Variants in CYTH3 observed in about 807,000 individuals in gnomAD.
CYTH3 encodes cytohesin-3.
A neutral mutation model predicts 55.1 loss-of-function variants in CYTH3; 23 were observed. That is an observed-to-expected ratio of 0.42 (90% CI 0.30 to 0.59). The LOEUF is 0.59. Ranked by LOEUF, CYTH3 falls within the 20% of genes least tolerant of loss-of-function variation. The pLI, the probability that CYTH3 is intolerant of heterozygous loss-of-function variation, is 0.20. For synonymous variants in CYTH3, 249 were observed against 194.9 expected (o/e 1.28, Z -2.31); for missense variants, 413 against 524.8 (o/e 0.79, Z 2.08).
intron 1 of CYTH3, among the ~76,000 whole-genome samples, chr7:6,212,324 T>C (rs1456785659): frequency 6.6e-6 from 1 of 152,340 alleles, no homozygotes; most frequent in South Asian, 2.1e-4. Flanking sequence ...AGTTCAGTAC[T>C]GTTAAGTATA....
chr7:6,209,724 T>C (rs1784282079), intron 1 of CYTH3, among the ~76,000 whole-genome samples: 1 of 152,180 alleles, frequency 6.6e-6, no homozygotes, highest in Admixed American at 6.5e-5. Context: ...TGTCCCTCAA[T>C]AGGTGACTCG....
chr7:6,186,117 G>A (rs1309201945), intron 4 of CYTH3, among the ~76,000 whole-genome samples: 7 of 151,336 alleles, frequency 4.6e-5, no homozygotes, highest in South Asian at 2.1e-4. Flanking sequence ...GGTGGCGGGC[G>A]CCTGTAGTCT....
At chr7:6,232,210 A>G (rs1391197770) in intron 1 of CYTH3, among the ~76,000 whole-genome samples, 1 of 152,172 alleles carries the variant, frequency 6.6e-6, no homozygotes, top group Admixed American at 6.5e-5. Flanking sequence ...TTATTGAAAC[A>G]AACCAGCAGG....
At chr7:6,242,205 T>C (rs756317866) in intron 1 of CYTH3, among the ~76,000 whole-genome samples, 11 of 151,242 alleles carry the variant, frequency 7.3e-5, no homozygotes, top group African/African-American at 2.7e-4. Context: ...GCCTCCCGAG[T>C]AGCTGGGACT....
chr7:6,220,658 A>T (rs1348704244), intron 1 of CYTH3, among the ~76,000 whole-genome samples: 1 of 151,974 alleles, frequency 6.6e-6, no homozygotes, highest in African/African-American at 2.4e-5. Flanking sequence ...GGAACATAAA[A>T]TGTTATAGCC....
chr7:6,261,288 G>A (rs1182607129), intron 1 of CYTH3, among the ~76,000 whole-genome samples: 2 of 152,096 alleles, frequency 1.3e-5, no homozygotes, highest in African/African-American at 2.4e-5. Flanking sequence ...GGGACTGAGG[G>A]GACAAAAATT....
At chr7:6,207,901 GA>G (rs1784231595) in intron 1 of CYTH3, among the ~76,000 whole-genome samples, 1 of 150,572 alleles carries the variant, frequency 6.6e-6, no homozygotes, top group Non-Finnish European at 1.5e-5. Context: ...AATGAGCCGA[GA>G]TCATGCCACT....
intron 6 of CYTH3, chr7:6,172,977 A>T (rs1042831127): frequency 9.9e-6 from 11 of 1,114,690 alleles, no homozygotes; most frequent in Non-Finnish European, 1.2e-5. Context: ...AGATTTGAGA[A>T]GATGACGAGG....
At chr7:6,204,176 C>T (rs1395435986) in intron 1 of CYTH3, among the ~76,000 whole-genome samples, 7 of 152,066 alleles carry the variant, frequency 4.6e-5, no homozygotes. Flanking sequence ...GGAACATAAG[C>T]TAACGACGCA....
In CYTH3 at chr7:6,193,373, G is replaced by A. The variant is rs1241372397; in HGVS notation, c.35-2842C>T. Among the ~76,000 whole-genome samples the A allele has an allele frequency of 4.3e-5, 6 of 138,004 alleles. No homozygotes were observed. The South Asian group carries it at 6.7e-4, about 16-fold the overall frequency. 90.5% of individuals were successfully genotyped at this position (138,004 alleles called of 152,430 possible). A position where few individuals can be genotyped will look rare whatever the true frequency, so the allele number is the denominator to read the frequency against. On this transcript the variant is annotated intron_variant, in intron 1 of 12. Coordinates refer to ENST00000350796, the MANE Select transcript of CYTH3 (RefSeq NM_004227.4). ...GCCTGGGCGACAGAGCAAGACTCCC[G>A]TCTCAAAAAAAAAAAAAAAAAGGAG...
intron 1 of CYTH3, among the ~76,000 whole-genome samples, chr7:6,232,032 C>T (rs1266774298): frequency 6.6e-6 from 1 of 152,226 alleles, no homozygotes; most frequent in Admixed American, 6.5e-5. Flanking sequence ...TTTTCCTGAT[C>T]TCTCTGCACC....
At chr7:6,209,567 C>A (rs1784278292) in intron 1 of CYTH3, among the ~76,000 whole-genome samples, 1 of 152,200 alleles carries the variant, frequency 6.6e-6, no homozygotes, top group South Asian at 2.1e-4. Context: ...CAGTTTCTCT[C>A]CAAGCTCAAC....
rs1782938606 is a variant in CYTH3 at position 6,164,800 on chromosome 7, TAC to T, written c.*142_*143del. On this transcript the variant is annotated 3_prime_UTR_variant, in exon 13 of 13. Coordinates refer to ENST00000350796, the MANE Select transcript of CYTH3 (RefSeq NM_004227.4). ...CAGCCACGGCACGAGGCCTTGGGGA[TAC>T]CACCTGGGCCACGGTATGCTCTGGA... The T allele has an allele frequency of 1.1e-6, 1 of 913,662 alleles. No homozygotes were observed. The highest frequency in any genetic ancestry group is 1.7e-6 in the Non-Finnish European group (1 of 574,702). 56.6% of individuals were successfully genotyped at this position (913,662 alleles called of 1,614,324 possible).
rs530643966 is a variant in CYTH3 at position 6,246,887 on chromosome 7, AT to A, written c.34+25586del. ...TACATGATTTCAATTCAATGTCAGT[AT>A]TTTTTTTAACACCACAAGTTCCGCA... On this transcript the variant is annotated intron_variant, in intron 1 of 12. Transcript: ENST00000350796. 1.1e-4 allele frequency among the ~76,000 whole-genome samples: 17 copies of A among 152,162 alleles called. No individual in the cohort carries two copies. The East Asian group carries it at 2.5e-3, about 22-fold the overall frequency.
At position 6,170,319 on chromosome 7, in the gene CYTH3, G is replaced by T. The variant is rs1039744362; in HGVS notation, c.823+216C>A. ...CTGGGACGGGCCGTGCAGCCTGGGC[G>T]CTACTCTCTGCCGCGGGCATGGCTC... On this transcript the variant is annotated intron_variant, in intron 9 of 12. Coordinates refer to ENST00000350796, the MANE Select transcript of CYTH3 (RefSeq NM_004227.4). This position sits in a 1 kb window ranked among gnomAD's most constrained non-coding sequence, Gnocchi z 7.8. 20 of 568,860 alleles carry T rather than the reference G, an allele frequency of 3.5e-5. No homozygotes were observed. Among genetic ancestry groups the T allele is most frequent in the Non-Finnish European group, 5.9e-5 (19 of 322,292 alleles). The allele number at this position is 568,860 out of a possible 1,614,324, so 35.2% of individuals were successfully genotyped here. A position where few individuals can be genotyped will look rare whatever the true frequency, so the allele number is the denominator to read the frequency against.
At chr7:6,259,776 ATATATATAATATATATATAT>A (rs1780262733) in intron 1 of CYTH3, among the ~76,000 whole-genome samples, 6 of 19,836 alleles carry the variant, frequency 3.0e-4, no homozygotes, top group Admixed American at 9.5e-4. Context: ...TATATATTAT[ATATATATAATATATATATAT>A]ATATATATAT....
intron 1 of CYTH3, among the ~76,000 whole-genome samples, chr7:6,251,262 C>T (rs769221900): frequency 3.0e-4 from 46 of 151,076 alleles, no homozygotes; most frequent in Admixed American, 9.2e-4. Flanking sequence ...GCAACAAGAG[C>T]GAAACACCGT....
At position 6,244,291 on chromosome 7, in the gene CYTH3, CG is replaced by C. The variant is rs371475906; in HGVS notation, c.34+28182del. 5.3e-3 allele frequency among the ~76,000 whole-genome samples: 809 copies of C among 152,280 alleles called. 11 individuals carry two copies. The highest frequency in any genetic ancestry group is 0.019 in the African/African-American group (776 of 41,554). On this transcript the variant is annotated intron_variant, in intron 1 of 12. Coordinates refer to ENST00000350796, the MANE Select transcript of CYTH3 (RefSeq NM_004227.4). Reference sequence around the variant, plus strand: ...TTCATCTAGAGTCAGGATTGAATGACGTAACTCAACTTCGTGGCAATTTTTA... The same window carrying C: ...TTCATCTAGAGTCAGGATTGAATGACTAACTCAACTTCGTGGCAATTTTTA...
chr7:6,239,335 G>T (rs537894943), intron 1 of CYTH3, among the ~76,000 whole-genome samples: 1 of 152,068 alleles, frequency 6.6e-6, no homozygotes, highest in African/African-American at 2.4e-5. Context: ...CCACTGCCCC[G>T]TCTCCATCCC....
Sources: gnomAD v4.1 joint callset for allele counts (sites outside exome capture counted in the v4.1 genomes callset) on GRCh38, gnomAD v4.1.1 for gene constraint, Gnocchi (gnomAD v3.1) non-coding constraint, MANE v1.5 for transcripts, NCBI Gene and HGNC (gene_info 2026-07-23, HGNC 2026-07-21) for gene names.